The following RALGAPB variants were observed in gnomAD, a reference collection of about 807,000 sequenced individuals.
The protein encoded by RALGAPB is Ral GTPase activating protein non-catalytic subunit beta.
RALGAPB carries 25 observed loss-of-function variants against 161.1 expected under a neutral mutation model. That is an observed-to-expected ratio of 0.16 (90% CI 0.11 to 0.22). RALGAPB has a LOEUF of 0.22. Among genes scored for constraint, RALGAPB ranks in the 10% least tolerant of loss-of-function variants. RALGAPB has a pLI of 1.00. For synonymous variants in RALGAPB, 629 were observed against 626.1 expected (o/e 1.00, Z -0.07); for missense variants, 1,391 against 1,815.2 (o/e 0.77, Z 4.25).
chr20:38,561,291 T>C (rs989213433), intron 23 of RALGAPB, among the ~76,000 whole-genome samples: 5 of 152,192 alleles, frequency 3.3e-5, no homozygotes, highest in African/African-American at 7.2e-5. Context: ...GCCACTGCAC[T>C]CCAGCCTGGG....
rs2087665848 is a variant in RALGAPB, at chr20:38,558,382, C to T, written c.3460C>T (p.Leu1154Phe). 1 of 1,607,766 alleles carries T rather than the reference C, an allele frequency of 6.2e-7. No homozygotes were observed. Among genetic ancestry groups the T allele is most frequent in the East Asian group, 2.2e-5 (1 of 44,736 alleles). ...TTTTGATGACATTGGGTATCTGGAT[C>T]TCTTGCCATGTCGTCCTTTTGACAC... ...GFFDDIGYLD[L>F]LPCRPFDTVF... The change falls in exon 23 of 30, where the codon CTC becomes TTC. Residue 1154 changes from leucine (L) to phenylalanine (F), a missense_variant. Leu to Phe is a conservative substitution (Grantham distance 22). This residue lies in a region of RALGAPB where 436 missense variants were observed against 527.0 expected (regional missense o/e 0.83). Coordinates refer to ENST00000262879, the MANE Select transcript of RALGAPB (RefSeq NM_020336.4).
chr20:38,571,131 A>T lies in RALGAPB; in HGVS notation c.4142+284A>T, dbSNP rs528894609. Among the ~76,000 whole-genome samples, 6 of 152,308 alleles carry T rather than the reference A, an allele frequency of 3.9e-5. No individual in the cohort carries two copies. The South Asian group carries it at 1.0e-3, about 26-fold the overall frequency. On this transcript the variant is annotated intron_variant, in intron 28 of 29. Coordinates refer to ENST00000262879, the MANE Select transcript of RALGAPB (RefSeq NM_020336.4). ...GCTTGGAGATAAGTATATATGCATG[A>T]AACCATCACAGCAATCTATTCCTGA...
chr20:38,520,329 C>T, intron 9 of RALGAPB: 2 of 720,904 alleles, frequency 2.8e-6, no homozygotes, highest in Non-Finnish European at 3.4e-6. Context: ...TTATTTTTTT[C>T]ATAATTCCAT....
In RALGAPB at chr20:38,543,182, T is replaced by C. The variant is rs143053806; in HGVS notation, c.2714+1990T>C. Among the ~76,000 whole-genome samples, 10 of 152,340 alleles carry C rather than the reference T, an allele frequency of 6.6e-5. No individual in the cohort carries two copies. The East Asian group carries it at 1.9e-3, about 29-fold the overall frequency. On this transcript the variant is annotated intron_variant, in intron 18 of 29. Transcript: ENST00000262879. ...GGTATCTCCAGTTTTCAGTCTTAAC[T>C]GTCATCATGAAACGTGTCTCTAACC...
chr20:38,537,295 C>CA (rs145085866), intron 16 of RALGAPB, among the ~76,000 whole-genome samples: 1,626 of 151,510 alleles, frequency 0.011, 24 homozygotes, highest in African/African-American at 0.037. Context: ...GTCATACACA[C>CA]AAAAAAAAGC....
chr20:38,547,306 G>A (rs1157635429), intron 19 of RALGAPB: 1 of 152,126 alleles, frequency 6.6e-6, no homozygotes, highest in Non-Finnish European at 1.5e-5. Context: ...CCTTATTGCT[G>A]GGAAGGGGAA....
Position 38,487,282 on chromosome 20 carries a change from G to T in RALGAPB, c.-30-1121G>T, listed in dbSNP as rs539676099. Among the ~76,000 whole-genome samples, 11 of 152,276 alleles carry T rather than the reference G, an allele frequency of 7.2e-5. No homozygotes were observed. The South Asian group carries it at 1.9e-3, about 26-fold the overall frequency. On this transcript the variant is annotated intron_variant, in intron 1 of 29. Transcript: ENST00000262879. ...AAAGTGGCAGTAGAAGATGAGGCTG[G>T]CAAGGTAGTGTATGCAATTCCCATT...
Position 38,535,125 on chromosome 20 carries a change from T to C in RALGAPB, c.2297T>C (p.Val766Ala). The C allele has an allele frequency of 1.2e-6, 2 of 1,614,016 alleles. No homozygotes were observed. The highest frequency in any genetic ancestry group is 1.7e-6 in the Non-Finnish European group (2 of 1,179,836). Reference protein sequence around the residue: ...AGLLIRSIHLVTQRLNSQWRQ... With the variant: ...AGLLIRSIHLATQRLNSQWRQ... Reference sequence around the variant, plus strand: ...CTCCTGATTCGCAGCATTCATCTCGTCACCCAAAGACTCAACTCCCAGTGG... The same window carrying C: ...CTCCTGATTCGCAGCATTCATCTCGCCACCCAAAGACTCAACTCCCAGTGG... The change falls in exon 16 of 30, where the codon GTC becomes GCC. Residue 766 changes from valine to alanine, a missense_variant. Val to Ala is a moderately conservative substitution (Grantham distance 64). This residue lies in a region of RALGAPB where 946 missense variants were observed against 1,257.2 expected (regional missense o/e 0.75). Coordinates refer to ENST00000262879, the MANE Select transcript of RALGAPB (RefSeq NM_020336.4).
intron 6 of RALGAPB, among the ~76,000 whole-genome samples, chr20:38,511,897 A>G (rs2085969454): frequency 6.6e-6 from 1 of 151,724 alleles, no homozygotes; most frequent in Non-Finnish European, 1.5e-5. Context: ...CACTTCCCAG[A>G]CGGGGCGGCC....
intron 25 of RALGAPB, among the ~76,000 whole-genome samples, chr20:38,566,032 TA>T (rs1320734372): frequency 6.6e-6 from 1 of 152,252 alleles, no homozygotes; most frequent in East Asian, 1.9e-4. Context: ...CTTTGCAAAT[TA>T]AGCCTGTTTG....
Position 38,575,047 on chromosome 20 carries a change from A to G in RALGAPB, c.*80A>G. Reference sequence around the variant, plus strand: ...AACAGTTTGATAGGTGATCACTGTAAAAATAAAAACAAATCACTCCCAAGA... The same window carrying G: ...AACAGTTTGATAGGTGATCACTGTAGAAATAAAAACAAATCACTCCCAAGA... On this transcript the variant is annotated 3_prime_UTR_variant, in exon 30 of 30. Coordinates refer to ENST00000262879, the MANE Select transcript of RALGAPB (RefSeq NM_020336.4). 1 of 1,211,038 alleles carries G rather than the reference A, an allele frequency of 8.3e-7. No individual in the cohort carries two copies. The highest frequency in any genetic ancestry group is 1.2e-6 in the Non-Finnish European group (1 of 829,600). The allele number at this position is 1,211,038 out of a possible 1,614,324, so 75.0% of individuals were successfully genotyped here.
Position 38,558,415 on chromosome 20 carries a change from A to G in RALGAPB, c.3493A>G (p.Ile1165Val), listed in dbSNP as rs760046239. Residue 1165 changes from isoleucine (I) to valine (V), a missense_variant, in exon 23 of 30, where the codon ATT becomes GTT. By Grantham distance (29) the Ile-to-Val change is conservative. This residue lies in a region of RALGAPB where 436 missense variants were observed against 527.0 expected (regional missense o/e 0.83). Coordinates refer to ENST00000262879, the MANE Select transcript of RALGAPB (RefSeq NM_020336.4). Reference sequence around the variant, plus strand: ...ATGTCGTCCTTTTGACACAGTTTTTATTTTCTATATGAAGCCAGGTCAGAA... The same window carrying G: ...ATGTCGTCCTTTTGACACAGTTTTTGTTTTCTATATGAAGCCAGGTCAGAA... ...LPCRPFDTVF[I>V]FYMKPGQKTN... 1.2e-6 allele frequency: 2 copies of G among 1,600,366 alleles called. No homozygotes were observed. The highest frequency in any genetic ancestry group is 2.2e-5 in the East Asian group (1 of 44,576).
chr20:38,522,833 C>T (rs1397352298), intron 10 of RALGAPB, among the ~76,000 whole-genome samples: 1 of 152,310 alleles, frequency 6.6e-6, no homozygotes, highest in East Asian at 1.9e-4. Flanking sequence ...TTATTAAATT[C>T]TAAGGTCAGG....
In RALGAPB at chr20:38,516,382, G is replaced by A; in HGVS notation, c.1051+12G>A. ...GGATGCATTCTTAGGTGAATTTTGT[G>A]TATGTTGCTAGATGTATGAAGAGCT... On this transcript the variant is annotated intron_variant, in intron 7 of 29. Transcript: ENST00000262879. The A allele has an allele frequency of 5.0e-6, 8 of 1,609,896 alleles. No homozygotes were observed. The highest frequency in any genetic ancestry group is 6.8e-6 in the Non-Finnish European group (8 of 1,177,294).
At chr20:38,556,914 A>G (rs2087605107) in intron 22 of RALGAPB, among the ~76,000 whole-genome samples, 1 of 152,210 alleles carries the variant, frequency 6.6e-6, no homozygotes, top group South Asian at 2.1e-4. Context: ...GGCTGTTTGT[A>G]GTTTTATGTC....
intron 1 of RALGAPB, among the ~76,000 whole-genome samples, chr20:38,484,523 G>A (rs2085062616): frequency 6.6e-6 from 1 of 152,122 alleles, no homozygotes; most frequent in Non-Finnish European, 1.5e-5. Flanking sequence ...TTCTTTTTTA[G>A]CTGACATTGT....
At chr20:38,503,095 T>C (rs1171857125) in intron 5 of RALGAPB, among the ~76,000 whole-genome samples, 1 of 152,258 alleles carries the variant, frequency 6.6e-6, no homozygotes, top group East Asian at 1.9e-4. Context: ...TCTGGGACTA[T>C]GGGTGTGCTG....
rs1208671690 is a variant in RALGAPB, at chr20:38,558,285, T to C, written c.3373-10T>C. On this transcript the variant is annotated splice_polypyrimidine_tract_variant and intron_variant, in intron 22 of 29. Transcript: ENST00000262879. Reference sequence around the variant, plus strand: ...AGGTAATAATTGCTCCTTTCTTCTTTTGGTGGCAGGAACCTGCAAATAGTC... The same window carrying C: ...AGGTAATAATTGCTCCTTTCTTCTTCTGGTGGCAGGAACCTGCAAATAGTC... 1 of 1,491,578 alleles carries C rather than the reference T, an allele frequency of 6.7e-7. No individual in the cohort carries two copies. The highest frequency in any genetic ancestry group is 1.4e-5 in the African/African-American group (1 of 70,552). 92.4% of individuals were successfully genotyped at this position (1,491,578 alleles called of 1,614,324 possible).
chr20:38,528,874 A>C (rs2086557843), intron 13 of RALGAPB, among the ~76,000 whole-genome samples: 1 of 151,916 alleles, frequency 6.6e-6, no homozygotes, highest in Admixed American at 6.6e-5. Context: ...TAGACACAGG[A>C]TTTTACCATG....
Sources: allele counts gnomAD v4.1 joint callset (sites outside exome capture counted in the v4.1 genomes callset), GRCh38; gene constraint gnomAD v4.1.1; regional missense constraint gnomAD v4.1.1; transcripts MANE v1.5; gene names NCBI Gene and HGNC (gene_info 2026-07-23, HGNC 2026-07-21).